Variants in NCAPG2 observed in about 807,000 individuals in gnomAD.
NCAPG2 encodes the protein condensin-2 complex subunit G2.
Under a neutral mutation model 141.1 loss-of-function variants are expected in NCAPG2, and 53 were observed. That is an observed-to-expected ratio of 0.38 (90% CI 0.30 to 0.47). NCAPG2 has a LOEUF of 0.47. NCAPG2 is among the 20% of genes least tolerant of loss of function. The pLI is 0.99. For missense variants in NCAPG2, 1,087 were observed against 1,389.0 expected (o/e 0.78, Z 3.46); for synonymous variants, 499 against 490.7 (o/e 1.02, Z -0.22).
Position 158,639,475 on chromosome 7 carries a change from A to G in NCAPG2, c.3380+4814T>C, listed in dbSNP as rs1337353719. Among the ~76,000 whole-genome samples the G allele has an allele frequency of 2.0e-5, 3 of 152,242 alleles. No homozygotes were observed. In the East Asian group the frequency reaches 5.8e-4, roughly 29 times the overall value. The stretch of plus-strand genomic sequence containing the variant: ...TATTTACATTCTTTTCCATATGTAT[A>G]TCTCAATGAGTAAATTCTATTCTAT... On this transcript the variant is annotated intron_variant, in intron 27 of 27. Transcript: ENST00000356309.
chr7:158,682,716 C>A (rs980537946), intron 9 of NCAPG2, among the ~76,000 whole-genome samples: 6 of 152,106 alleles, frequency 3.9e-5, no homozygotes, highest in African/African-American at 7.2e-5. Context: ...ACACAGCAGA[C>A]CAGATTTTCC....
Position 158,689,779 on chromosome 7 carries a change from A to C in NCAPG2, c.672+40T>G, listed in dbSNP as rs1235058428. On this transcript the variant is annotated intron_variant, in intron 6 of 27. Coordinates refer to ENST00000356309, the MANE Select transcript of NCAPG2 (RefSeq NM_017760.7). ...AACACAGGAGAAACATCTATTAAGAAGCAGCTCACAAACAGATCAAAAAAC... is the reference window on the plus strand; with the variant it reads ...AACACAGGAGAAACATCTATTAAGACGCAGCTCACAAACAGATCAAAAAAC... The C allele has an allele frequency of 4.0e-6, 6 of 1,496,638 alleles. No homozygotes were observed. In the East Asian group the frequency reaches 1.4e-4, roughly 35 times the overall value. 92.7% of individuals were successfully genotyped at this position (1,496,638 alleles called of 1,614,324 possible). A position where few individuals can be genotyped will look rare whatever the true frequency, so the allele number is the denominator to read the frequency against.
chr7:158,680,422 C>T lies in NCAPG2; in HGVS notation c.1020+299G>A, dbSNP rs542980401. Among the ~76,000 whole-genome samples the T allele has an allele frequency of 1.1e-4, 17 of 152,308 alleles. No individual in the cohort carries two copies. The East Asian group carries it at 2.7e-3, about 24-fold the overall frequency. On this transcript the variant is annotated intron_variant, in intron 10 of 27. Transcript: ENST00000356309. ...CAGCCCTGGACAGCCCAGGCCAGCG[C>T]GGCAAACCACCCACAGCCTCAGCTG...
At chr7:158,670,542 A>T (rs909561103) in intron 13 of NCAPG2, among the ~76,000 whole-genome samples, 3 of 152,122 alleles carry the variant, frequency 2.0e-5, no homozygotes, top group Non-Finnish European at 4.4e-5. Context: ...TCAGAGTGGG[A>T]CCCTGTCTCC....
At chr7:158,693,728 C>G (rs964966159) in intron 2 of NCAPG2, among the ~76,000 whole-genome samples, 2 of 152,180 alleles carry the variant, frequency 1.3e-5, no homozygotes, top group Non-Finnish European at 2.9e-5. Context: ...TAGCAAAACC[C>G]TCCCTAAAAG....
chr7:158,676,155 C>T (rs563315006), intron 11 of NCAPG2, among the ~76,000 whole-genome samples: 1 of 152,222 alleles, frequency 6.6e-6, no homozygotes, highest in South Asian at 2.1e-4. Context: ...AATAATCTCA[C>T]GAAACAAAAT....
intron 17 of NCAPG2, 46 bp downstream of exon 17, chr7:158,658,292 G>A (rs1832177686): frequency 1.3e-6 from 2 of 1,522,962 alleles, no homozygotes; most frequent in South Asian, 2.4e-5. Context: ...CACAACAATG[G>A]ACAGGATTCC....
intron 9 of NCAPG2, among the ~76,000 whole-genome samples, chr7:158,681,316 G>A (rs911766087): frequency 7.9e-5 from 12 of 152,152 alleles, no homozygotes; most frequent in African/African-American, 2.7e-4. Flanking sequence ...TAGGTATCAA[G>A]TTCCTCCCAA....
intron 16 of NCAPG2, 35 bp from the exon 17 acceptor site, chr7:158,658,443 A>T: frequency 6.5e-7 from 1 of 1,538,198 alleles, no homozygotes; most frequent in Non-Finnish European, 8.8e-7. Flanking sequence ...AACAAAGCAT[A>T]TGTAAGCACT....
Position 158,650,976 on chromosome 7 carries a change from C to A in NCAPG2, c.2935-4G>T. The A allele has an allele frequency of 1.9e-6, 3 of 1,564,042 alleles. No homozygotes were observed. Among genetic ancestry groups the A allele is most frequent in the South Asian group, 2.4e-5 (2 of 83,300 alleles). On this transcript the variant is annotated splice_region_variant and splice_polypyrimidine_tract_variant and intron_variant, in intron 23 of 27. Transcript: ENST00000356309. ...GCCTCTGAACAGAATAAAGCAGCTA[C>A]AAGAAAACACATACGTCACTTTTAA...
At position 158,664,681 on chromosome 7, in the gene NCAPG2, G is replaced by A. The variant is rs768622809; in HGVS notation, c.1549C>T (p.Arg517Cys). The A allele has an allele frequency of 8.7e-6, 14 of 1,614,014 alleles. No individual in the cohort carries two copies. Among genetic ancestry groups the A allele is most frequent in the African/African-American group, 2.7e-5 (2 of 74,894 alleles). ...GAATTAAAGATGAGGCTCACCAGGC[G>A]CCGAGACACAGGTCGAGAATCAGTT... is the stretch of plus-strand genomic sequence containing the variant. ...LETDSRPVSR[R>C]LVSLIFNSFL... Residue 517 changes from arginine (R) to cysteine (C), a missense_variant, in exon 14 of 28, where the codon CGC (arginine) becomes TGC (cysteine). Physicochemically the swap from Arg to Cys is radical, Grantham distance 180. Coordinates refer to ENST00000356309, the MANE Select transcript of NCAPG2 (RefSeq NM_017760.7).
chr7:158,660,005 G>A lies in NCAPG2; in HGVS notation c.1990-1597C>T, dbSNP rs574814526. Among the ~76,000 whole-genome samples the A allele has an allele frequency of 3.3e-5, 5 of 151,998 alleles. No individual in the cohort carries two copies. The South Asian group carries it at 6.2e-4, about 19-fold the overall frequency. On this transcript the variant is annotated intron_variant, in intron 16 of 27. Coordinates refer to ENST00000356309, the MANE Select transcript of NCAPG2 (RefSeq NM_017760.7). ...CAGGCGCCTGTAGTCCCAGCTACTC[G>A]GGAGGCTGAGGCAGGAAAATGGCGT...
intron 1 of NCAPG2, among the ~76,000 whole-genome samples, chr7:158,704,243 G>A (rs1292968578): frequency 1.4e-5 from 2 of 141,498 alleles, no homozygotes; most frequent in African/African-American, 2.7e-5. Context: ...GGACTGAGGG[G>A]ACGCTCTCTG....
At chr7:158,648,932 TGGACTATAACCAC>T (rs1831273686) in intron 24 of NCAPG2, among the ~76,000 whole-genome samples, 1 of 152,154 alleles carries the variant, frequency 6.6e-6, no homozygotes, top group African/African-American at 2.4e-5. Context: ...CCACGCCAAA[TGGACTATAACCAC>T]GGCAAATGGA....
intron 1 of NCAPG2, among the ~76,000 whole-genome samples, chr7:158,704,396 G>C (rs979378034): frequency 6.6e-6 from 1 of 151,414 alleles, no homozygotes; most frequent in Admixed American, 6.6e-5. Flanking sequence ...CCATGCCCAG[G>C]ACTGAGGGGA....
intron 13 of NCAPG2, chr7:158,668,414 T>A: frequency 3.1e-6 from 3 of 983,242 alleles, no homozygotes; most frequent in Non-Finnish European, 3.6e-6. Flanking sequence ...GTTTTCTGTT[T>A]TGTTTTACTG....
chr7:158,659,303 T>G (rs1282922732), intron 16 of NCAPG2, among the ~76,000 whole-genome samples: 1 of 126,176 alleles, frequency 7.9e-6, no homozygotes, highest in Admixed American at 1.0e-4. Context: ...CACTCCAGCC[T>G]GGGTGACAAG....
intron 1 of NCAPG2, among the ~76,000 whole-genome samples, chr7:158,704,486 T>C (rs1330273714): frequency 6.6e-6 from 1 of 152,152 alleles, no homozygotes; most frequent in Non-Finnish European, 1.5e-5. Context: ...GGCTGGGATT[T>C]TCCTCCGACA....
At chr7:158,650,782 CTTGTGTCATCAATAAG>C in intron 24 of NCAPG2, 34 bp downstream of exon 24, 1 of 1,555,990 alleles carries the variant, frequency 6.4e-7, no homozygotes, top group Non-Finnish European at 8.7e-7. Context: ...GAAACACCAT[CTTGTGTCATCAATAAG>C]AGGCACAGCA....
Sources: gnomAD v4.1 joint callset for allele counts (sites outside exome capture counted in the v4.1 genomes callset) on GRCh38, gnomAD v4.1.1 for gene constraint, MANE v1.5 for transcripts, NCBI Gene and HGNC (gene_info 2026-07-23, HGNC 2026-07-21) for gene names.